PRPF40B: variants seen among roughly 807,000 people sequenced by gnomAD.
PRPF40B encodes the protein pre-mRNA-processing factor 40 homolog B.
A neutral mutation model predicts 124.5 loss-of-function variants in PRPF40B; 56 were observed. The observed-to-expected ratio is 0.45, with a 90% CI of 0.36 to 0.56. The LOEUF (loss-of-function observed/expected upper bound fraction) is 0.56, where lower values mean the gene tolerates loss of function less well. PRPF40B is among the 20% of genes least tolerant of loss of function. The probability of loss-of-function intolerance (pLI) is 0.00; values close to 1 mark genes in which losing one functional copy is unlikely to be tolerated. For synonymous variants in PRPF40B, 443 were observed against 426.4 expected (o/e 1.04, Z -0.48); for missense variants, 1,053 against 1,169.5 (o/e 0.90, Z 1.45).
intron 1 of PRPF40B, 32 bp from the exon 2 acceptor site, chr12:49,630,513 C>T: frequency 5.7e-6 from 6 of 1,043,638 alleles, no homozygotes; most frequent in South Asian, 1.3e-5. Flanking sequence ...TGTGCCCATC[C>T]TGGGTCCTAT....
At chr12:49,634,189 T>C in intron 10 of PRPF40B, 97 bp downstream of exon 10, 1 of 1,574,158 alleles carries the variant, frequency 6.4e-7, no homozygotes, top group Non-Finnish European at 8.6e-7. Context: ...CAGGAGGGGT[T>C]TGAAGATCTG....
At position 49,641,986 on chromosome 12, in the gene PRPF40B, G is replaced by A. The variant is rs760879578; in HGVS notation, c.1846G>A (p.Ala616Thr). 1.2e-5 allele frequency: 20 copies of A among 1,613,458 alleles called. No individual in the cohort carries two copies. The highest frequency in any genetic ancestry group is 5.3e-5 in the African/African-American group (4 of 74,920). ...HVISFDKRAA[A>T]LDAGNIKLTF... ...CATAAGCTTTGACAAGAGGGCTGCC[G>A]CACTGGACGCAGGCAACATCAAGCT... The change falls in exon 19 of 26, where the codon GCA becomes ACA. Residue 616 changes from alanine (A) to threonine (T), a missense_variant. This residue lies in a region of PRPF40B where 895 missense variants were observed against 1,052.2 expected (regional missense o/e 0.85). Transcript: ENST00000548825.
At chr12:49,626,484 T>C (rs1274768761) in intron 1 of PRPF40B, among the ~76,000 whole-genome samples, 3 of 152,154 alleles carry the variant, frequency 2.0e-5, no homozygotes, top group South Asian at 2.1e-4. Context: ...GTGTGTGGGA[T>C]AGTCATAAGG....
In PRPF40B at chr12:49,644,541, C is replaced by T. The variant is rs1943077011; in HGVS notation, c.*349C>T. 2.0e-5 allele frequency: 6 copies of T among 305,178 alleles called. No homozygotes were observed. Among genetic ancestry groups the T allele is most frequent in the South Asian group, 3.9e-5 (1 of 25,868 alleles). 18.9% of individuals were successfully genotyped at this position (305,178 alleles called of 1,614,324 possible). ...GGGTGGCAGAGGGCAGGGTCATCAC[C>T]CTCTAGCATCAGTGCCTGCTCCTGC... On this transcript the variant is annotated 3_prime_UTR_variant, in exon 26 of 26. Transcript: ENST00000548825.
Position 49,635,719 on chromosome 12 carries a change from A to G in PRPF40B, c.1276-124A>G, listed in dbSNP as rs1941717783. ...ACTCCCTCCCCTTCCCTGAGACATG[A>G]AAGTCTTGAGTATGGCCTTCTTCCT... On this transcript the variant is annotated intron_variant, in intron 14 of 25. Transcript: ENST00000548825. The surrounding 1 kb of genome is among the most constrained non-coding windows in gnomAD (Gnocchi z 4.1). The G allele has an allele frequency of 1.1e-5, 13 of 1,190,804 alleles. No individual in the cohort carries two copies. Among genetic ancestry groups the G allele is most frequent in the African/African-American group, 1.5e-5 (1 of 65,966 alleles). 73.8% of individuals were successfully genotyped at this position (1,190,804 alleles called of 1,614,324 possible). A position where few individuals can be genotyped will look rare whatever the true frequency, so the allele number is the denominator to read the frequency against.
chr12:49,637,894 GA>G lies in PRPF40B; in HGVS notation c.1767+71del, dbSNP rs1178915369. ...GCACACTCCCTGCAGAGGACTCCCT[GA>G]TAAGTCCTGTTTTGCAGAAGCATTA... On this transcript the variant is annotated intron_variant, in intron 18 of 25. Transcript: ENST00000548825. The G allele has an allele frequency of 2.4e-4, 306 of 1,287,882 alleles. 1 individual carries two copies. The highest frequency in any genetic ancestry group is 5.5e-5 in the Admixed American group (3 of 54,588). 79.8% of individuals were successfully genotyped at this position (1,287,882 alleles called of 1,614,324 possible).
At position 49,643,351 on chromosome 12, in the gene PRPF40B, T is replaced by C. The variant is rs1942924416; in HGVS notation, c.2334T>C (p.Ala778=). ...TTGATTCAGTTGAAAGTGGGGGTGC[T>C]GCCCTTGGAGGACGGGGCTCCCCTT... ...SSLDSVESGG[A]ALGGRGSPSS... The change falls in exon 23 of 26, where the codon GCT becomes GCC. Residue 778 remains alanine (A), a synonymous_variant. Transcript: ENST00000548825. 6.3e-7 allele frequency: 1 copy of C among 1,598,486 alleles called. No homozygotes were observed. The highest frequency in any genetic ancestry group is 8.5e-7 in the Non-Finnish European group (1 of 1,173,094).
Position 49,633,045 on chromosome 12 carries a change from A to G in PRPF40B, c.380A>G (p.Asp127Gly), listed in dbSNP as rs773386834. ...CTATGGAGTGAGCATGTGGCCCCAGATGGGCGCATCTACTACTACAATGCT... is the reference window on the plus strand; with the variant it reads ...CTATGGAGTGAGCATGTGGCCCCAGGTGGGCGCATCTACTACTACAATGCT... The part of the protein sequence containing the change: ...RALWSEHVAP[D>G]GRIYYYNADD... The change falls in exon 7 of 26, where the codon GAT (aspartate) becomes GGT (glycine). Residue 127 changes from aspartate (D) to glycine (G), a missense_variant. This residue lies in a region of PRPF40B where 895 missense variants were observed against 1,052.2 expected (regional missense o/e 0.85). Transcript: ENST00000548825. 1.2e-5 allele frequency: 17 copies of G among 1,402,042 alleles called. No individual in the cohort carries two copies. The South Asian group carries it at 2.0e-4, about 16-fold the overall frequency. 86.9% of individuals were successfully genotyped at this position (1,402,042 alleles called of 1,614,324 possible).
chr12:49,635,758 T>A lies in PRPF40B; in HGVS notation c.1276-85T>A, dbSNP rs567868736. ...GGCCTTCTTCCTAGGGTTCCCTAGC[T>A]ACCTTTCCCCAGGTCCTCCTCTGCC... On this transcript the variant is annotated intron_variant, in intron 14 of 25. Transcript: ENST00000548825. This position sits in a 1 kb window ranked among gnomAD's most constrained non-coding sequence, Gnocchi z 4.1. The A allele has an allele frequency of 3.4e-5, 52 of 1,536,612 alleles. No individual in the cohort carries two copies. The East Asian group carries it at 7.2e-4, about 21-fold the overall frequency.
In PRPF40B at chr12:49,643,716, A is replaced by G. The variant is rs759765213; in HGVS notation, c.2406A>G (p.Lys802=). 1 of 1,614,176 alleles carries G rather than the reference A, an allele frequency of 6.2e-7. No homozygotes were observed. The highest frequency in any genetic ancestry group is 2.2e-5 in the East Asian group (1 of 44,886). ...GADHGLRKAK[K]PKKKTKKRRH... is the part of the protein sequence containing the mutation. ...ATCATGGCCTTCGGAAAGCCAAGAAACCAAAAAAGAAAACTAAGAAGAGAA... is the reference window on the plus strand; with the variant it reads ...ATCATGGCCTTCGGAAAGCCAAGAAGCCAAAAAAGAAAACTAAGAAGAGAA... The change falls in exon 24 of 26, where the codon AAA becomes AAG. Residue 802 remains lysine, a synonymous_variant. Coordinates refer to ENST00000548825, the MANE Select transcript of PRPF40B (RefSeq NM_001031698.3).
At chr12:49,634,858 T>C in intron 12 of PRPF40B, 1 of 633,632 alleles carries the variant, frequency 1.6e-6, no homozygotes, top group Non-Finnish European at 2.7e-6. Context: ...ATGAGGGTGC[T>C]GGATAGGGTG....
intron 1 of PRPF40B, among the ~76,000 whole-genome samples, chr12:49,624,792 C>G (rs1171494030): frequency 6.7e-6 from 1 of 150,170 alleles, no homozygotes; most frequent in Non-Finnish European, 1.5e-5. Context: ...TTGTGGTGAG[C>G]TGAGATCGCG....
Position 49,632,266 on chromosome 12 carries a change from C to T in PRPF40B, c.295-330C>T, listed in dbSNP as rs114756911. The T allele has an allele frequency of 5.9e-3, 3,421 of 575,276 alleles. 76 individuals are homozygous for T. The highest frequency in any genetic ancestry group is 0.057 in the African/African-American group (3,056 of 53,744). 35.6% of individuals were successfully genotyped at this position (575,276 alleles called of 1,614,324 possible). On this transcript the variant is annotated intron_variant, in intron 4 of 25. Coordinates refer to ENST00000548825, the MANE Select transcript of PRPF40B (RefSeq NM_001031698.3). Reference sequence around the variant, plus strand: ...AGAAGAGTCAGTAGCACCTGGGGATCTTGCTGTGCCTTCTTATGCTATCGC... The same window carrying T: ...AGAAGAGTCAGTAGCACCTGGGGATTTTGCTGTGCCTTCTTATGCTATCGC...
chr12:49,635,424 G>A lies in PRPF40B; in HGVS notation c.1226G>A (p.Arg409Gln), dbSNP rs1941679707. The A allele has an allele frequency of 6.2e-7, 1 of 1,614,074 alleles. No individual in the cohort carries two copies. Among genetic ancestry groups the A allele is most frequent in the Non-Finnish European group, 8.5e-7 (1 of 1,179,996 alleles). Residue 409 changes from arginine to glutamine, a missense_variant, in exon 14 of 26, where the codon CGA (arginine) becomes CAA (glutamine). Coordinates refer to ENST00000548825, the MANE Select transcript of PRPF40B (RefSeq NM_001031698.3). This position sits in a 1 kb window ranked among gnomAD's most constrained non-coding sequence, Gnocchi z 4.1. ...EVWAVVPERDRKEVYDDVLFF... is the reference protein window; with the variant it reads ...EVWAVVPERDQKEVYDDVLFF... ...TGGGCTGTGGTCCCTGAGAGGGATC[G>A]AAAAGAGGTTTATGATGATGTCCTC...
In PRPF40B at chr12:49,630,609, T is replaced by C; in HGVS notation, c.68T>C (p.Met23Thr). ...APAPFPPGPP[M>T]MPPPFMPPPG... ...GCCCCCTTCCCACCGGGGCCCCCCA[T>C]GATGCCACCACCCTTCGTAAGTTTT... is the stretch of plus-strand genomic sequence containing the variant. The change falls in exon 2 of 26, where the codon ATG (methionine) becomes ACG (threonine). Residue 23 changes from methionine to threonine, a missense_variant. Coordinates refer to ENST00000548825, the MANE Select transcript of PRPF40B (RefSeq NM_001031698.3). 1 of 1,315,826 alleles carries C rather than the reference T, an allele frequency of 7.6e-7. No individual in the cohort carries two copies. The highest frequency in any genetic ancestry group is 2.3e-5 in the East Asian group (1 of 43,400). The allele number at this position is 1,315,826 out of a possible 1,614,324, so 81.5% of individuals were successfully genotyped here. A position where few individuals can be genotyped will look rare whatever the true frequency, so the allele number is the denominator to read the frequency against.
chr12:49,623,028 C>G (rs1940340538), upstream of PRPF40B, among the ~76,000 whole-genome samples: 2 of 151,476 alleles, frequency 1.3e-5, no homozygotes, highest in South Asian at 2.1e-4. Flanking sequence ...GTACGCCCCA[C>G]AAGGGCGTGA....
intron 1 of PRPF40B, among the ~76,000 whole-genome samples, chr12:49,626,419 T>G (rs1940721802): frequency 6.6e-6 from 1 of 152,214 alleles, no homozygotes; most frequent in Non-Finnish European, 1.5e-5. Flanking sequence ...AGCATGTCAC[T>G]CTGCAAAGTA....
chr12:49,633,371 G>A lies in PRPF40B; in HGVS notation c.460-56G>A, dbSNP rs924920487. 4.3e-6 allele frequency: 7 copies of A among 1,610,596 alleles called. No homozygotes were observed. In the African/African-American group the frequency reaches 9.3e-5, roughly 22 times the overall value. On this transcript the variant is annotated intron_variant, in intron 7 of 25. Coordinates refer to ENST00000548825, the MANE Select transcript of PRPF40B (RefSeq NM_001031698.3). ...CTCACTAGGTCCCCTTAGCTCCCCT[G>A]ACTGGCTGGAGAACTTGCCCATCCC...
At chr12:49,626,637 G>C (rs1940741878) in intron 1 of PRPF40B, among the ~76,000 whole-genome samples, 1 of 152,194 alleles carries the variant, frequency 6.6e-6, no homozygotes, top group African/African-American at 2.4e-5. Flanking sequence ...GATGAGCAAA[G>C]AAGAGTGTGG....
Sources: allele counts gnomAD v4.1 joint callset (sites outside exome capture counted in the v4.1 genomes callset), GRCh38; gene constraint gnomAD v4.1.1; regional missense constraint gnomAD v4.1.1; non-coding constraint Gnocchi (gnomAD v3.1); transcripts MANE v1.5; gene names NCBI Gene and HGNC (gene_info 2026-07-23, HGNC 2026-07-21).